LRRC4C: variants seen among roughly 807,000 people sequenced by gnomAD.
LRRC4C encodes leucine rich repeat containing 4C.
In LRRC4C, 5 loss-of-function variants were observed where a neutral mutation model predicts 33.6. The ratio of observed to expected loss-of-function variants is 0.15; its 90% CI spans 0.08 to 0.31. The LOEUF (loss-of-function observed/expected upper bound fraction) is 0.31, where lower values mean the gene tolerates loss of function less well. Among genes scored for constraint, LRRC4C ranks in the 10% least tolerant of loss-of-function variants. LRRC4C has a pLI of 1.00. For synonymous variants in LRRC4C, 329 were observed against 302.0 expected (o/e 1.09, Z -0.93); for missense variants, 560 against 796.7 (o/e 0.70, Z 3.58).
intron 3 of LRRC4C, among the ~76,000 whole-genome samples, chr11:40,373,501 A>T (rs556295013): frequency 1.3e-5 from 2 of 152,336 alleles, no homozygotes; most frequent in South Asian, 4.1e-4. Context: ...AATGAACAAT[A>T]AATTTAATAT....
At chr11:40,572,330 T>A (rs558035893) in intron 3 of LRRC4C, among the ~76,000 whole-genome samples, 1 of 152,250 alleles carries the variant, frequency 6.6e-6, no homozygotes, top group African/African-American at 2.4e-5. Context: ...ATGAACACTA[T>A]CTGAGAGAAA....
Position 40,990,231 on chromosome 11 carries a change from T to TTATATATA in LRRC4C, c.-495-56516_-495-56509dup, listed in dbSNP as rs761772952. ...AAATATTTGAATAGTATGTCAAGTT[T>TTATATATA]TATATATATATATATATATATATAT... On this transcript the variant is annotated intron_variant, in intron 1 of 6. Coordinates refer to ENST00000528697, the MANE Select transcript of LRRC4C (RefSeq NM_001258419.2). 1.8e-3 allele frequency among the ~76,000 whole-genome samples: 143 copies of TTATATATA among 78,222 alleles called. 1 individual carries two copies. Among genetic ancestry groups the TTATATATA allele is most frequent in the South Asian group, 3.5e-3 (6 of 1,736 alleles). 51.3% of individuals were successfully genotyped at this position (78,222 alleles called of 152,430 possible). A position where few individuals can be genotyped will look rare whatever the true frequency, so the allele number is the denominator to read the frequency against.
chr11:40,390,873 T>C (rs958500164), intron 3 of LRRC4C, among the ~76,000 whole-genome samples: 2 of 152,046 alleles, frequency 1.3e-5, no homozygotes. Flanking sequence ...CTTTTCCTTT[T>C]TTTGTTTTGT....
At chr11:40,512,919 A>G (rs935959341) in intron 3 of LRRC4C, among the ~76,000 whole-genome samples, 2 of 152,164 alleles carry the variant, frequency 1.3e-5, no homozygotes, top group Admixed American at 6.5e-5. Flanking sequence ...GGACACCTGT[A>G]GTCTAGAGTG....
intron 1 of LRRC4C, among the ~76,000 whole-genome samples, chr11:41,201,317 G>A (rs371465446): frequency 3.3e-5 from 5 of 152,154 alleles, no homozygotes; most frequent in Non-Finnish European, 5.9e-5. Flanking sequence ...ATTTGGAGAC[G>A]TTTAGGGAGC....
At chr11:40,198,794 T>C (rs1302502665) in intron 5 of LRRC4C, among the ~76,000 whole-genome samples, 1 of 152,168 alleles carries the variant, frequency 6.6e-6, no homozygotes, top group African/African-American at 2.4e-5. Context: ...CAATCTGGAC[T>C]TAAAGGGGAT....
chr11:41,119,683 C>T (rs1181961494), intron 1 of LRRC4C, among the ~76,000 whole-genome samples: 2 of 152,106 alleles, frequency 1.3e-5, no homozygotes, highest in East Asian at 3.9e-4. Flanking sequence ...ATGTTTGCTA[C>T]CAGGCAGTCT....
At chr11:40,903,351 C>T (rs919032431) in intron 2 of LRRC4C, among the ~76,000 whole-genome samples, 2 of 152,132 alleles carry the variant, frequency 1.3e-5, no homozygotes, top group African/African-American at 4.8e-5. Flanking sequence ...TGAAAATGCT[C>T]CTATTCACCC....
At chr11:40,168,773 C>T (rs1231458041) in intron 5 of LRRC4C, among the ~76,000 whole-genome samples, 1 of 152,172 alleles carries the variant, frequency 6.6e-6, no homozygotes, top group East Asian at 1.9e-4. Flanking sequence ...AACAGGAAAT[C>T]CTTTACATAA....
At chr11:40,390,869 C>CT (rs1020365728) in intron 3 of LRRC4C, among the ~76,000 whole-genome samples, 2 of 151,788 alleles carry the variant, frequency 1.3e-5, no homozygotes, top group African/African-American at 2.4e-5. Context: ...TTTTCTTTTC[C>CT]TTTTTTTGTT....
chr11:40,940,627 T>G (rs1024881275), intron 1 of LRRC4C, among the ~76,000 whole-genome samples: 3 of 152,172 alleles, frequency 2.0e-5, no homozygotes, highest in African/African-American at 7.2e-5. Flanking sequence ...CAAATTATAT[T>G]ATTCCTTCTT....
At chr11:41,125,047 G>T (rs1042436225) in intron 1 of LRRC4C, among the ~76,000 whole-genome samples, 1 of 152,028 alleles carries the variant, frequency 6.6e-6, no homozygotes, top group Non-Finnish European at 1.5e-5. Flanking sequence ...AAGCATCAGG[G>T]TATTTGAAGA....
At chr11:40,996,433 G>C (rs1853978604) in intron 1 of LRRC4C, among the ~76,000 whole-genome samples, 1 of 152,184 alleles carries the variant, frequency 6.6e-6, no homozygotes, top group Non-Finnish European at 1.5e-5. Flanking sequence ...CTTATCTGTA[G>C]GCAAATATCA....
chr11:41,422,573 A>G lies in LRRC4C; in HGVS notation c.-496+36858T>C, dbSNP rs556527690. Among the ~76,000 whole-genome samples, 727 of 152,164 alleles carry G rather than the reference A, an allele frequency of 4.8e-3. 4 individuals carry two copies. Among genetic ancestry groups the G allele is most frequent in the African/African-American group, 0.017 (702 of 41,536 alleles). ...GATGGAAGGACCTGAGTCTTTCATG[A>G]TACCTTGGTTCCACTGAAACACCAA... is the stretch of plus-strand genomic sequence containing the variant. On this transcript the variant is annotated intron_variant, in intron 1 of 6. Transcript: ENST00000528697.
intron 1 of LRRC4C, among the ~76,000 whole-genome samples, chr11:41,120,921 C>T (rs1478239156): frequency 1.3e-5 from 2 of 152,028 alleles, no homozygotes; most frequent in Non-Finnish European, 2.9e-5. Context: ...CCTACTCTGC[C>T]CTGGTAAGAT....
chr11:41,204,862 A>T (rs1396082673), intron 1 of LRRC4C, among the ~76,000 whole-genome samples: 1 of 152,208 alleles, frequency 6.6e-6, no homozygotes, highest in Non-Finnish European at 1.5e-5. Flanking sequence ...AACCAGATAC[A>T]TAAACAAGAT....
intron 1 of LRRC4C, among the ~76,000 whole-genome samples, chr11:41,143,830 G>A (rs1943616820): frequency 6.6e-6 from 1 of 152,156 alleles, no homozygotes; most frequent in African/African-American, 2.4e-5. Context: ...TGAGAGGCAA[G>A]ACTGCTTTTT....
chr11:41,133,020 A>T (rs1016914538), intron 1 of LRRC4C, among the ~76,000 whole-genome samples: 10 of 152,206 alleles, frequency 6.6e-5, no homozygotes, highest in Admixed American at 5.2e-4. Flanking sequence ...ACCTCAGAAG[A>T]TAACAATAAT....
intron 1 of LRRC4C, among the ~76,000 whole-genome samples, chr11:41,103,003 G>C (rs1941285374): frequency 6.6e-6 from 1 of 151,254 alleles, no homozygotes; most frequent in Non-Finnish European, 1.5e-5. Context: ...TCTATCAAAG[G>C]TAAAATAAAA....
Sources: allele counts gnomAD v4.1 joint callset (sites outside exome capture counted in the v4.1 genomes callset), GRCh38; gene constraint gnomAD v4.1.1; transcripts MANE v1.5; gene names NCBI Gene and HGNC (gene_info 2026-07-23, HGNC 2026-07-21).